MVB12B: variants seen among roughly 807,000 people sequenced by gnomAD.
The protein encoded by MVB12B is multivesicular body subunit 12B, also known as ESCRT-I complex subunit MVB12B.
MVB12B carries 16 observed loss-of-function variants against 41.6 expected under a neutral mutation model. The ratio of observed to expected loss-of-function variants is 0.38; its 90% CI spans 0.26 to 0.58. MVB12B has a LOEUF of 0.58. MVB12B is among the 20% of genes least tolerant of loss of function. The pLI, the probability that MVB12B is intolerant of heterozygous loss-of-function variation, is 0.62. For synonymous variants in MVB12B, 133 were observed against 139.7 expected (o/e 0.95, Z 0.34); for missense variants, 274 against 380.2 (o/e 0.72, Z 2.32).
At chr9:126,399,379 C>T (rs1588140316) in intron 6 of MVB12B, among the ~76,000 whole-genome samples, 2 of 152,212 alleles carry the variant, frequency 1.3e-5, no homozygotes, top group East Asian at 3.8e-4. Context: ...GAGAGCTGGC[C>T]TGGGGACGGA....
rs532593848 is a variant in MVB12B at position 126,394,202 on chromosome 9, T to C, written c.540-1373T>C. Among the ~76,000 whole-genome samples, 120 of 152,322 alleles carry C rather than the reference T, an allele frequency of 7.9e-4. 1 individual carries two copies. Among genetic ancestry groups the C allele is most frequent in the Admixed American group, 2.0e-3 (30 of 15,308 alleles). On this transcript the variant is annotated intron_variant, in intron 5 of 9. Coordinates refer to ENST00000361171, the MANE Select transcript of MVB12B (RefSeq NM_033446.3). ...TAGGAAATAGTTAGAATAAACATACTTCAGGCACCTCAGAAGCACCCATTT... is the reference window on the plus strand; with the variant it reads ...TAGGAAATAGTTAGAATAAACATACCTCAGGCACCTCAGAAGCACCCATTT...
At chr9:126,499,332 C>T (rs1222957117) in intron 9 of MVB12B, among the ~76,000 whole-genome samples, 1 of 152,064 alleles carries the variant, frequency 6.6e-6, no homozygotes. Context: ...GCCCGGGCTG[C>T]CCAGCTGCTG....
intron 6 of MVB12B, among the ~76,000 whole-genome samples, chr9:126,408,743 T>C (rs902320316): frequency 6.6e-6 from 1 of 152,008 alleles, no homozygotes; most frequent in Non-Finnish European, 1.5e-5. Flanking sequence ...TGTGGCAAAA[T>C]GTGTTGTTTT....
intron 7 of MVB12B, among the ~76,000 whole-genome samples, chr9:126,431,139 A>T (rs1832319388): frequency 6.6e-6 from 1 of 152,160 alleles, no homozygotes; most frequent in South Asian, 2.1e-4. Flanking sequence ...TATAATTTTG[A>T]TATATAAGAT....
intron 6 of MVB12B, among the ~76,000 whole-genome samples, chr9:126,400,026 G>A (rs1004673844): frequency 4.6e-5 from 7 of 152,188 alleles, no homozygotes; most frequent in Non-Finnish European, 1.0e-4. Flanking sequence ...GTCGGAGCGT[G>A]GGTGTGTGGA....
intron 2 of MVB12B, among the ~76,000 whole-genome samples, chr9:126,355,517 C>T (rs1829858142): frequency 1.3e-5 from 2 of 152,236 alleles, no homozygotes; most frequent in South Asian, 2.1e-4. Context: ...TAAAGTACTG[C>T]ATTATGAGGG....
In MVB12B at chr9:126,395,430, G is replaced by A. The variant is rs992525375; in HGVS notation, c.540-145G>A. On this transcript the variant is annotated intron_variant, in intron 5 of 9. Transcript: ENST00000361171. This position sits in a 1 kb window ranked among gnomAD's most constrained non-coding sequence, Gnocchi z 4.9. ...ATGACACCCAGAGCACAAAGGAGAC[G>A]GTGGAACCCATTTCACGTGGAGGGC... 86 of 965,578 alleles carry A rather than the reference G, an allele frequency of 8.9e-5. No individual in the cohort carries two copies. The highest frequency in any genetic ancestry group is 4.5e-4 in the Middle Eastern group (2 of 4,476). The allele number at this position is 965,578 out of a possible 1,614,324, so 59.8% of individuals were successfully genotyped here.
Position 126,503,300 on chromosome 9 carries a change from C to CAGTAGTCTGGGCGG in MVB12B, c.*37_*38insAGTAGTCTGGGCGG. 1.3e-6 allele frequency: 2 copies of CAGTAGTCTGGGCGG among 1,511,664 alleles called. No homozygotes were observed. Among genetic ancestry groups the CAGTAGTCTGGGCGG allele is most frequent in the Non-Finnish European group, 1.8e-6 (2 of 1,113,200 alleles). The allele number at this position is 1,511,664 out of a possible 1,614,324, so 93.6% of individuals were successfully genotyped here. On this transcript the variant is annotated 3_prime_UTR_variant, in exon 10 of 10. Transcript: ENST00000361171. ...CCACCTGCGGGGAGACCACCGCCGCCCAGACTACTGACGGCAGGGGCTGCT... is the reference window on the plus strand; with the variant it reads ...CCACCTGCGGGGAGACCACCGCCGCCAGTAGTCTGGGCGGCAGACTACTGACGGCAGGGGCTGCT...
intron 2 of MVB12B, among the ~76,000 whole-genome samples, chr9:126,378,292 A>G (rs1349549273): frequency 6.6e-6 from 1 of 152,228 alleles, no homozygotes; most frequent in African/African-American, 2.4e-5. Context: ...TAGATAGATC[A>G]TTTATCTTGC....
At chr9:126,404,645 C>T (rs761623835) in intron 6 of MVB12B, among the ~76,000 whole-genome samples, 7 of 152,116 alleles carry the variant, frequency 4.6e-5, no homozygotes, top group East Asian at 1.9e-4. Context: ...ACCGCCTAAG[C>T]GGTCTTAGGG....
intron 9 of MVB12B, among the ~76,000 whole-genome samples, chr9:126,495,109 T>A (rs1833803283): frequency 6.6e-6 from 1 of 151,234 alleles, no homozygotes; most frequent in Non-Finnish European, 1.5e-5. Flanking sequence ...TGAGGATCAC[T>A]TGAGCCCAGG....
chr9:126,386,459 T>C lies in MVB12B; in HGVS notation c.313-103T>C. On this transcript the variant is annotated intron_variant, in intron 3 of 9. Coordinates refer to ENST00000361171, the MANE Select transcript of MVB12B (RefSeq NM_033446.3). The surrounding 1 kb of genome is among the most constrained non-coding windows in gnomAD (Gnocchi z 4.3). ...TCTAATTAACCTGCTGTCATAAAGCTGCACGAGTCATTGTGTTAAATATGC... is the reference window on the plus strand; with the variant it reads ...TCTAATTAACCTGCTGTCATAAAGCCGCACGAGTCATTGTGTTAAATATGC... 2 of 734,114 alleles carry C rather than the reference T, an allele frequency of 2.7e-6. No individual in the cohort carries two copies. Among genetic ancestry groups the C allele is most frequent in the Non-Finnish European group, 4.8e-6 (2 of 417,174 alleles). 45.5% of individuals were successfully genotyped at this position (734,114 alleles called of 1,614,324 possible).
intron 9 of MVB12B, among the ~76,000 whole-genome samples, chr9:126,500,217 C>A (rs1366487132): frequency 2.0e-5 from 3 of 152,196 alleles, no homozygotes; most frequent in Admixed American, 6.5e-5. Flanking sequence ...ACTGAAGGAG[C>A]AGAAGGGCGC....
intron 6 of MVB12B, among the ~76,000 whole-genome samples, chr9:126,406,968 C>T (rs56780873): frequency 0.11 from 17,451 of 152,156 alleles, 1,082 homozygotes; most frequent in African/African-American, 0.14. Context: ...ATTTTCTTCA[C>T]TCATTTAAAT....
intron 6 of MVB12B, among the ~76,000 whole-genome samples, chr9:126,400,530 C>G (rs1831238785): frequency 6.6e-6 from 1 of 152,176 alleles, no homozygotes; most frequent in Non-Finnish European, 1.5e-5. Flanking sequence ...CCTCTCCCCA[C>G]CTACAGAAAT....
intron 6 of MVB12B, among the ~76,000 whole-genome samples, chr9:126,415,822 G>A (rs1413935481): frequency 6.6e-6 from 1 of 152,136 alleles, no homozygotes; most frequent in Non-Finnish European, 1.5e-5. Flanking sequence ...CAGACAGCCC[G>A]ATAGAGTGGG....
chr9:126,330,961 A>C (rs1186447092), intron 1 of MVB12B, among the ~76,000 whole-genome samples: 1 of 152,202 alleles, frequency 6.6e-6, no homozygotes, highest in Non-Finnish European at 1.5e-5. Flanking sequence ...TTTAAGGCTG[A>C]ATAATACTCC....
At chr9:126,427,374 C>A (rs1832211233) in intron 7 of MVB12B, among the ~76,000 whole-genome samples, 1 of 152,064 alleles carries the variant, frequency 6.6e-6, no homozygotes, top group African/African-American at 2.4e-5. Flanking sequence ...TCTTCCCTGA[C>A]CCCCTGCCCA....
chr9:126,388,793 G>A (rs80071672), intron 4 of MVB12B, among the ~76,000 whole-genome samples: 2,098 of 152,244 alleles, frequency 0.014, 50 homozygotes, highest in African/African-American at 0.048. Context: ...ATGATGTTTA[G>A]CATCTTTTTC....
Sources: gnomAD v4.1 joint callset for allele counts (sites outside exome capture counted in the v4.1 genomes callset) on GRCh38, gnomAD v4.1.1 for gene constraint, Gnocchi (gnomAD v3.1) non-coding constraint, MANE v1.5 for transcripts, NCBI Gene and HGNC (gene_info 2026-07-23, HGNC 2026-07-21) for gene names.